PRCC: variants seen among roughly 807,000 people sequenced by gnomAD.
PRCC encodes proline rich mitotic checkpoint control factor, also known as proline-rich protein PRCC.
Under a neutral mutation model 44.0 loss-of-function variants are expected in PRCC, and 10 were observed. That is an observed-to-expected ratio of 0.23 (90% confidence interval 0.14 to 0.39). The LOEUF (loss-of-function observed/expected upper bound fraction) is 0.39, where lower values mean the gene tolerates loss of function less well. PRCC is among the 10% of genes least tolerant of loss of function. PRCC has a pLI of 1.00. For synonymous variants in PRCC, 278 were observed against 259.5 expected (o/e 1.07, Z -0.69); for missense variants, 573 against 624.7 (o/e 0.92, Z 0.88).
intron 3 of PRCC, chr1:156,790,936 T>A (rs751821179): frequency 1.6e-5 from 8 of 489,326 alleles, no homozygotes; most frequent in Non-Finnish European, 2.5e-5. Flanking sequence ...AGGGCATTTC[T>A]TGGAGTTTAA....
chr1:156,789,041 C>T (rs989136912), intron 3 of PRCC, among the ~76,000 whole-genome samples: 1 of 152,078 alleles, frequency 6.6e-6, no homozygotes, highest in Non-Finnish European at 1.5e-5. Context: ...GCAATCCCGG[C>T]TCACTGCAAC....
intron 4 of PRCC, among the ~76,000 whole-genome samples, chr1:156,792,557 T>C (rs1405884973): frequency 6.6e-6 from 1 of 152,162 alleles, no homozygotes; most frequent in East Asian, 1.9e-4. Context: ...AAGTGATTCT[T>C]GTGCCTCAGC....
At chr1:156,768,304 T>G in intron 1 of PRCC, 65 bp downstream of exon 1, 1 of 1,470,834 alleles carries the variant, frequency 6.8e-7, no homozygotes, top group Non-Finnish European at 9.2e-7. Flanking sequence ...AGGAGGGACA[T>G]GTGGAGATTT....
rs530806549 is a variant in PRCC, at chr1:156,797,409, T to C, written c.1389+68T>C. The C allele has an allele frequency of 3.8e-6, 6 of 1,581,684 alleles. No homozygotes were observed. In the East Asian group the frequency reaches 9.0e-5, roughly 24 times the overall value. Reference sequence around the variant, plus strand: ...AAATCTGGGAATTTGAAGGCTGAGATACGAGTTAGAAGCCCAGATGCTTAT... The same window carrying C: ...AAATCTGGGAATTTGAAGGCTGAGACACGAGTTAGAAGCCCAGATGCTTAT... On this transcript the variant is annotated intron_variant, in intron 6 of 6. Transcript: ENST00000271526.
rs948353930 is a variant in PRCC at position 156,800,627 on chromosome 1, T to C, written c.*167T>C. On this transcript the variant is annotated 3_prime_UTR_variant, in exon 7 of 7. Transcript: ENST00000271526. ...ATTTGATAGATTTTTCTTAACAAGTTAGAAAATTCAGCTCCTTTCTGTCCT... is the reference window on the plus strand; with the variant it reads ...ATTTGATAGATTTTTCTTAACAAGTCAGAAAATTCAGCTCCTTTCTGTCCT... The C allele has an allele frequency of 2.4e-5, 16 of 664,126 alleles. No homozygotes were observed. The highest frequency in any genetic ancestry group is 3.8e-5 in the Non-Finnish European group (15 of 391,334). The allele number at this position is 664,126 out of a possible 1,614,324, so 41.1% of individuals were successfully genotyped here.
At chr1:156,782,867 T>G (rs1652094429) in intron 2 of PRCC, among the ~76,000 whole-genome samples, 1 of 152,128 alleles carries the variant, frequency 6.6e-6, no homozygotes, top group South Asian at 2.1e-4. Context: ...ACAACTAGTG[T>G]GGGCAGAGCT....
intron 1 of PRCC, among the ~76,000 whole-genome samples, chr1:156,776,480 T>C (rs779676863): frequency 2.1e-5 from 3 of 146,176 alleles, no homozygotes; most frequent in Non-Finnish European, 4.6e-5. Flanking sequence ...TTTTTTTTTG[T>C]GTGTGTGCTT....
intron 1 of PRCC, among the ~76,000 whole-genome samples, chr1:156,778,581 CTTTTTT>C (rs746389120): frequency 7.7e-6 from 1 of 130,092 alleles, no homozygotes; most frequent in Non-Finnish European, 1.7e-5. Context: ...TATAGTAATT[CTTTTTT>C]TTTTTTTTTT....
At chr1:156,782,186 G>A in intron 1 of PRCC, 96 bp from the exon 2 acceptor site, 2 of 1,128,910 alleles carry the variant, frequency 1.8e-6, no homozygotes, top group Non-Finnish European at 2.6e-6. Context: ...AGACAAGATG[G>A]CCACTGTTGT....
chr1:156,781,020 G>A (rs147975685), intron 1 of PRCC, among the ~76,000 whole-genome samples: 84 of 152,218 alleles, frequency 5.5e-4, no homozygotes, highest in African/African-American at 1.3e-3. Context: ...GAGCCACTGC[G>A]CCCGGCCTTA....
At chr1:156,796,484 T>C (rs1313924275) in intron 5 of PRCC, 1 of 152,058 alleles carries the variant, frequency 6.6e-6, no homozygotes, top group Non-Finnish European at 1.5e-5. Flanking sequence ...GGGAGTTGGG[T>C]GGAGATGATT....
At chr1:156,799,921 C>A (rs1652781604) in intron 6 of PRCC, among the ~76,000 whole-genome samples, 1 of 152,132 alleles carries the variant, frequency 6.6e-6, no homozygotes, top group Non-Finnish European at 1.5e-5. Context: ...AACTGTATCT[C>A]CAGGCTAAGC....
intron 1 of PRCC, among the ~76,000 whole-genome samples, chr1:156,779,575 G>A (rs1352568400): frequency 6.6e-6 from 1 of 151,906 alleles, no homozygotes; most frequent in Non-Finnish European, 1.5e-5. Flanking sequence ...CACCATATTG[G>A]CCAGGCTGGT....
chr1:156,770,130 C>T (rs1395207595), intron 1 of PRCC, among the ~76,000 whole-genome samples: 3 of 152,120 alleles, frequency 2.0e-5, no homozygotes, highest in Admixed American at 6.5e-5. Context: ...TGGGAGAGGC[C>T]GTAGAATCTG....
intron 1 of PRCC, among the ~76,000 whole-genome samples, chr1:156,769,695 G>A (rs1651553697): frequency 6.6e-6 from 1 of 152,060 alleles, no homozygotes; most frequent in Admixed American, 6.6e-5. Flanking sequence ...CGCCTCCCGG[G>A]TTCACGCCAT....
rs565651303 is a variant in PRCC at position 156,770,793 on chromosome 1, G to A, written c.468+2554G>A. 2.2e-4 allele frequency among the ~76,000 whole-genome samples: 33 copies of A among 152,356 alleles called. No homozygotes were observed. The South Asian group carries it at 6.8e-3, about 32-fold the overall frequency. On this transcript the variant is annotated intron_variant, in intron 1 of 6. Transcript: ENST00000271526. ...GAAAGAATGAATTAGGTTTCCTTAA[G>A]TAAATAATTTCCCTTTAGAGTTTGG...
rs182304752 is a variant in PRCC at position 156,798,774 on chromosome 1, G to A, written c.1389+1433G>A. Reference sequence around the variant, plus strand: ...TGAGGCAGGAGAATCGCTTGAACCCGGGAGGTGGAGGTTGCAGTGAGCTGA... The same window carrying A: ...TGAGGCAGGAGAATCGCTTGAACCCAGGAGGTGGAGGTTGCAGTGAGCTGA... On this transcript the variant is annotated intron_variant, in intron 6 of 6. Coordinates refer to ENST00000271526, the MANE Select transcript of PRCC (RefSeq NM_005973.5). Among the ~76,000 whole-genome samples the A allele has an allele frequency of 2.9e-4, 44 of 151,560 alleles. 1 individual carries two copies. The East Asian group carries it at 7.2e-3, about 25-fold the overall frequency.
At chr1:156,798,461 C>A (rs754816345) in intron 6 of PRCC, among the ~76,000 whole-genome samples, 1 of 152,172 alleles carries the variant, frequency 6.6e-6, no homozygotes, top group Non-Finnish European at 1.5e-5. Context: ...GTCTACGGAA[C>A]GTACCAAACA....
chr1:156,794,856 C>G (rs1652605100), intron 5 of PRCC, 48 bp downstream of exon 5: 1 of 1,608,140 alleles, frequency 6.2e-7, no homozygotes, highest in Non-Finnish European at 8.5e-7. Context: ...AGCTGCAAAG[C>G]AAAATCTTGT....
Sources: allele counts gnomAD v4.1 joint callset (sites outside exome capture counted in the v4.1 genomes callset), GRCh38; gene constraint gnomAD v4.1.1; transcripts MANE v1.5; gene names NCBI Gene and HGNC (gene_info 2026-07-23, HGNC 2026-07-21).